PCA3: variants seen among roughly 807,000 people sequenced by gnomAD.
PCA3 encodes prostate cancer associated 3.
intron 2 of PCA3, chr9:76,786,737 G>T (rs1564302826): frequency 6.6e-6 from 1 of 152,082 alleles, no homozygotes; most frequent in Non-Finnish European, 1.5e-5. Context: ...GGGCTATATT[G>T]CTTTAGATGA....
intron 2 of PCA3, among the ~76,000 whole-genome samples, chr9:76,778,103 C>A (rs1027471727): frequency 6.6e-6 from 1 of 152,170 alleles, no homozygotes; most frequent in Admixed American, 6.5e-5. Context: ...TTAAAAAATA[C>A]CAATGACTGG....
At chr9:76,783,833 T>A (rs2054685202) in intron 2 of PCA3, 1 of 152,160 alleles carries the variant, frequency 6.6e-6, no homozygotes, top group Admixed American at 6.5e-5. Flanking sequence ...TTTTTGCACA[T>A]TTCCAGCCCC....
intron 2 of PCA3, among the ~76,000 whole-genome samples, chr9:76,769,248 T>C (rs2052806532): frequency 6.6e-6 from 1 of 152,218 alleles, no homozygotes; most frequent in African/African-American, 2.4e-5. Flanking sequence ...ATACACACTA[T>C]TCTGCAGCTT....
chr9:76,777,981 G>A (rs1465368647), intron 2 of PCA3, among the ~76,000 whole-genome samples: 1 of 152,182 alleles, frequency 6.6e-6, no homozygotes, highest in Admixed American at 6.5e-5. Flanking sequence ...CTATAGCAGT[G>A]GGAGGTGGAA....
chr9:76,781,758 C>T (rs184726245), intron 2 of PCA3, among the ~76,000 whole-genome samples: 3 of 152,326 alleles, frequency 2.0e-5, no homozygotes, highest in Admixed American at 2.0e-4. Context: ...GTACCTAGCA[C>T]ATAGCATATA....
At chr9:76,765,116 C>T (rs561080235) in intron 2 of PCA3, among the ~76,000 whole-genome samples, 6 of 152,026 alleles carry the variant, frequency 3.9e-5, no homozygotes, top group South Asian at 2.1e-4. Context: ...TTGTTGGGGG[C>T]GTGACATTAA....
chr9:76,782,898 T>C (rs1364498835), intron 2 of PCA3: 1 of 152,248 alleles, frequency 6.6e-6, no homozygotes, highest in East Asian at 1.9e-4. Context: ...ACCATATACC[T>C]GCTATTCGCT....
chr9:76,767,941 G>A (rs2052601147), intron 2 of PCA3, among the ~76,000 whole-genome samples: 1 of 152,170 alleles, frequency 6.6e-6, no homozygotes, highest in Non-Finnish European at 1.5e-5. Context: ...GCAAGGACTG[G>A]AAGTATTAAT....
At chr9:76,783,708 A>G (rs1236606996) in intron 2 of PCA3, 1 of 152,204 alleles carries the variant, frequency 6.6e-6, no homozygotes, top group African/African-American at 2.4e-5. Context: ...TTTCCAGGTG[A>G]GAAATAAGAA....
chr9:76,781,864 A>T (rs1323576819), intron 2 of PCA3, among the ~76,000 whole-genome samples: 1 of 152,180 alleles, frequency 6.6e-6, no homozygotes, highest in Non-Finnish European at 1.5e-5. Flanking sequence ...AGCAAAATGA[A>T]TGGAGATGTT....
intron 2 of PCA3, among the ~76,000 whole-genome samples, chr9:76,776,703 T>C (rs1352523804): frequency 6.6e-6 from 1 of 151,606 alleles, no homozygotes; most frequent in African/African-American, 2.4e-5. Context: ...TTAGTAGAGA[T>C]GGGGTTTCAC....
chr9:76,786,162 G>C (rs985439210), intron 2 of PCA3: 1 of 152,176 alleles, frequency 6.6e-6, no homozygotes, highest in Non-Finnish European at 1.5e-5. Flanking sequence ...CATTTACCAG[G>C]TTTGGAGAGG....
rs763862683 is a variant in PCA3, at chr9:76,772,746, T to C, written n.853-35837T>C. Reference sequence around the variant, plus strand: ...ATCCAGCTAATTGTTTAATTTTTTGTAGAGACAGAGCCTCACTATGTTGCC... The same window carrying C: ...ATCCAGCTAATTGTTTAATTTTTTGCAGAGACAGAGCCTCACTATGTTGCC... On this transcript the variant is annotated intron_variant and non_coding_transcript_variant, in intron 2 of 5. Coordinates refer to ENST00000644657, the Ensembl canonical transcript of PCA3. Among the ~76,000 whole-genome samples, 45 of 152,260 alleles carry C rather than the reference T, an allele frequency of 3.0e-4. 1 individual carries two copies. Among genetic ancestry groups the C allele is most frequent in the Non-Finnish European group, 6.0e-4 (41 of 68,016 alleles).
intron 2 of PCA3, among the ~76,000 whole-genome samples, chr9:76,774,450 C>CTTTTTTTATTTATTTATTTATTTT (rs1564272256): frequency 2.2e-4 from 9 of 41,394 alleles, no homozygotes; most frequent in East Asian, 1.0e-3. Context: ...CAGTTCAACC[C>CTTTTTTTATTTATTTATTTATTTT]TTTTTTTTTT....
At chr9:76,774,950 A>T (rs892095474) in intron 2 of PCA3, among the ~76,000 whole-genome samples, 4 of 152,188 alleles carry the variant, frequency 2.6e-5, no homozygotes, top group African/African-American at 7.2e-5. Context: ...ATGTAATGGG[A>T]ACACTAATAT....
At chr9:76,775,404 CT>C in intron 2 of PCA3, among the ~76,000 whole-genome samples, 1 of 152,120 alleles carries the variant, frequency 6.6e-6, no homozygotes, top group East Asian at 1.9e-4. Context: ...TCAAGCGATC[CT>C]CTCACCTTAG....
intron 2 of PCA3, chr9:76,784,174 CT>C (rs1295110612): frequency 6.6e-6 from 1 of 152,222 alleles, no homozygotes; most frequent in African/African-American, 2.4e-5. Context: ...CGCCCTGTGC[CT>C]GGTCCCGCTT....
chr9:76,780,835 G>A (rs1002650826), intron 2 of PCA3, among the ~76,000 whole-genome samples: 1 of 152,154 alleles, frequency 6.6e-6, no homozygotes, highest in African/African-American at 2.4e-5. Context: ...CCATCGTATC[G>A]GGAGATGCCC....
intron 2 of PCA3, among the ~76,000 whole-genome samples, chr9:76,766,015 T>TA (rs1003884460): frequency 3.2e-4 from 49 of 151,928 alleles, no homozygotes; most frequent in Admixed American, 3.2e-3. Context: ...ACCCCGTCTC[T>TA]ACTAAAAATA....
Sources: gnomAD v4.1 joint callset for allele counts (sites outside exome capture counted in the v4.1 genomes callset) on GRCh38, gnomAD v4.1.1 for gene constraint, MANE v1.5 for transcripts, NCBI Gene and HGNC (gene_info 2026-07-23, HGNC 2026-07-21) for gene names.